Variants in SDK2 observed in about 807,000 individuals in gnomAD.
The protein encoded by SDK2 is protein sidekick-2.
Under a neutral mutation model 253.9 loss-of-function variants are expected in SDK2, and 105 were observed. The observed-to-expected ratio is 0.41, with a 90% CI of 0.35 to 0.49. SDK2 has a LOEUF of 0.49. SDK2 is among the 20% of genes least tolerant of loss of function. The pLI is 0.06. For missense variants in SDK2, 2,608 were observed against 3,003.0 expected (o/e 0.87, Z 3.07); for synonymous variants, 1,249 against 1,234.9 (o/e 1.01, Z -0.24).
In SDK2 at chr17:73,418,010, G is replaced by GTTTTTTTTTTTTTTTT. The variant is rs397689294; in HGVS notation, c.2186+1140_2186+1155dup. Among the ~76,000 whole-genome samples, 45 of 128,242 alleles carry GTTTTTTTTTTTTTTTT rather than the reference G, an allele frequency of 3.5e-4. 4 individuals are homozygous for GTTTTTTTTTTTTTTTT. The highest frequency in any genetic ancestry group is 3.8e-4 in the Non-Finnish European group (24 of 62,874). 84.1% of individuals were successfully genotyped at this position (128,242 alleles called of 152,430 possible). A position where few individuals can be genotyped will look rare whatever the true frequency, so the allele number is the denominator to read the frequency against. ...AGATGCATCAAAGTCTCCTAGATGA[G>GTTTTTTTTTTTTTTTT]TTTTTTTTTTTTTTTTTTGTTTTTA... On this transcript the variant is annotated intron_variant, in intron 16 of 44. Transcript: ENST00000392650.
At chr17:73,501,469 T>A (rs80086272) in intron 2 of SDK2, among the ~76,000 whole-genome samples, 1,790 of 152,366 alleles carry the variant, frequency 0.012, 11 homozygotes, top group Non-Finnish European at 0.018. Flanking sequence ...CCTGCTCACA[T>A]GAGAGAAAGG....
At chr17:73,411,120 G>GAATTC (rs2063122643) in intron 18 of SDK2, among the ~76,000 whole-genome samples, 1 of 152,006 alleles carries the variant, frequency 6.6e-6, no homozygotes, top group African/African-American at 2.4e-5. Context: ...AGTGCTCCAA[G>GAATTC]AATTCAGCTG....
intron 2 of SDK2, among the ~76,000 whole-genome samples, chr17:73,495,301 C>T (rs1298731808): frequency 6.6e-6 from 1 of 152,230 alleles, no homozygotes; most frequent in Non-Finnish European, 1.5e-5. Context: ...AATGGGGGTG[C>T]TGTTGCCCCA....
At chr17:73,586,257 T>A (rs1014384644) in intron 1 of SDK2, among the ~76,000 whole-genome samples, 2 of 152,136 alleles carry the variant, frequency 1.3e-5, no homozygotes, top group African/African-American at 4.8e-5. Context: ...GCCATTCTCC[T>A]GGATGGCACT....
intron 1 of SDK2, among the ~76,000 whole-genome samples, chr17:73,547,083 C>T (rs904975130): frequency 4.6e-5 from 7 of 152,246 alleles, no homozygotes; most frequent in Non-Finnish European, 1.0e-4. Context: ...CCTAGCCTGC[C>T]CTGCCTAGGG....
rs1317365023 is a variant in SDK2 at position 73,334,567 on chromosome 17, T to C, written c.*4020A>G. 6.6e-6 allele frequency: 1 copy of C among 152,218 alleles called. No individual in the cohort carries two copies. Among genetic ancestry groups the C allele is most frequent in the Non-Finnish European group, 1.5e-5 (1 of 68,038 alleles). The allele number at this position is 152,218 out of a possible 1,614,324, so 9.4% of individuals were successfully genotyped here. A position where few individuals can be genotyped will look rare whatever the true frequency, so the allele number is the denominator to read the frequency against. ...GACAGACACCTGCCATAATGAATAC[T>C]CTCCCCATAATTTTTTGTTATATCT... On this transcript the variant is annotated 3_prime_UTR_variant, in exon 45 of 45. Coordinates refer to ENST00000392650, the MANE Select transcript of SDK2 (RefSeq NM_001144952.2).
intron 1 of SDK2, among the ~76,000 whole-genome samples, chr17:73,624,121 T>C (rs888458702): frequency 2.0e-5 from 3 of 152,158 alleles, no homozygotes; most frequent in Non-Finnish European, 4.4e-5. Context: ...GAGCAGAAAA[T>C]TGGGATTCAA....
chr17:73,371,434 A>G lies in SDK2; in HGVS notation c.4981-2841T>C, dbSNP rs979504079. Among the ~76,000 whole-genome samples, 15 of 152,296 alleles carry G rather than the reference A, an allele frequency of 9.8e-5. No homozygotes were observed. In the South Asian group the frequency reaches 2.5e-3, roughly 25 times the overall value. ...GGAAGGAGAGATCCATGTGTCAAAC[A>G]CAGCTGCTGAGTCAGGCAGGATAAG... On this transcript the variant is annotated intron_variant, in intron 36 of 44. Transcript: ENST00000392650.
chr17:73,597,011 C>T (rs748538666), intron 1 of SDK2, among the ~76,000 whole-genome samples: 1 of 152,224 alleles, frequency 6.6e-6, no homozygotes, highest in Non-Finnish European at 1.5e-5. Flanking sequence ...CTCCTCACTT[C>T]AGTCTGAACC....
intron 28 of SDK2, 133 bp from the exon 29 acceptor site, chr17:73,390,614 G>T: frequency 1.1e-6 from 1 of 936,608 alleles, no homozygotes. Context: ...TTTGGCTGTG[G>T]TCTGTCTGCC....
chr17:73,577,983 G>A (rs1436727075), intron 1 of SDK2, among the ~76,000 whole-genome samples: 1 of 152,156 alleles, frequency 6.6e-6, no homozygotes, highest in African/African-American at 2.4e-5. Context: ...CGACGTGGCA[G>A]GAGAGCAGGC....
At chr17:73,426,309 C>T (rs957718805) in intron 12 of SDK2, among the ~76,000 whole-genome samples, 36 of 148,318 alleles carry the variant, frequency 2.4e-4, no homozygotes, top group South Asian at 1.1e-3. Flanking sequence ...TCAGGTGATC[C>T]GCCTGCCTCT....
intron 1 of SDK2, among the ~76,000 whole-genome samples, chr17:73,523,290 T>C (rs558517547): frequency 6.6e-6 from 1 of 151,914 alleles, no homozygotes; most frequent in South Asian, 2.1e-4. Context: ...AGACCAAGCT[T>C]CCCCTCTTGA....
chr17:73,430,388 C>T (rs2063316714), intron 12 of SDK2, 123 bp downstream of exon 12: 1 of 713,332 alleles, frequency 1.4e-6, no homozygotes, highest in African/African-American at 1.8e-5. Context: ...GGAAATGCCA[C>T]TGCCCAGGAG....
chr17:73,568,709 C>A (rs891760186), intron 1 of SDK2, among the ~76,000 whole-genome samples: 1 of 152,090 alleles, frequency 6.6e-6, no homozygotes, highest in African/African-American at 2.4e-5. Flanking sequence ...GGAATAAGGG[C>A]TGAAAATTCC....
At chr17:73,625,639 TTTTC>T (rs1201725381) in intron 1 of SDK2, among the ~76,000 whole-genome samples, 4 of 151,862 alleles carry the variant, frequency 2.6e-5, no homozygotes, top group African/African-American at 7.3e-5. Context: ...TTCTTTTCTT[TTTTC>T]TTTTTCTTTT....
intron 1 of SDK2, among the ~76,000 whole-genome samples, chr17:73,523,557 C>T (rs561455137): frequency 1.5e-4 from 23 of 151,918 alleles, no homozygotes; most frequent in African/African-American, 4.8e-4. Context: ...ATGTAGCTGC[C>T]GGCATGGGAA....
chr17:73,451,962 C>G (rs1377118417), intron 4 of SDK2, among the ~76,000 whole-genome samples: 4 of 152,176 alleles, frequency 2.6e-5, no homozygotes, highest in African/African-American at 9.6e-5. Flanking sequence ...CATTTTTCAG[C>G]CACACCCCCT....
At chr17:73,633,560 T>A (rs1405631506) in intron 1 of SDK2, among the ~76,000 whole-genome samples, 1 of 152,218 alleles carries the variant, frequency 6.6e-6, no homozygotes, top group Non-Finnish European at 1.5e-5. Flanking sequence ...CACAGAGTCA[T>A]GAACTTGTTA....
Sources: gnomAD v4.1 joint callset for allele counts (sites outside exome capture counted in the v4.1 genomes callset) on GRCh38, gnomAD v4.1.1 for gene constraint, MANE v1.5 for transcripts, NCBI Gene and HGNC (gene_info 2026-07-23, HGNC 2026-07-21) for gene names.